Variants in STAT4 observed in about 807,000 individuals in gnomAD.
The protein encoded by STAT4 is signal transducer and activator of transcription 4.
STAT4 carries 42 observed loss-of-function variants against 110.5 expected under a neutral mutation model. The ratio of observed to expected loss-of-function variants is 0.38; its 90% CI spans 0.30 to 0.49. STAT4 has a LOEUF of 0.49. STAT4 is among the 20% of genes least tolerant of loss of function. The pLI is 0.95. For missense variants in STAT4, 632 were observed against 887.9 expected (o/e 0.71, Z 3.66); for synonymous variants, 284 against 302.2 (o/e 0.94, Z 0.63).
intron 3 of STAT4, among the ~76,000 whole-genome samples, chr2:191,103,048 T>G (rs116972414): frequency 2.0e-3 from 311 of 152,302 alleles, no homozygotes; most frequent in Non-Finnish European, 3.6e-3. Flanking sequence ...ACCTCTCTCT[T>G]TTCACATCAT....
At chr2:191,073,307 G>T in intron 4 of STAT4, 117 bp from the exon 5 acceptor site, 2 of 740,824 alleles carry the variant, frequency 2.7e-6, no homozygotes, top group Non-Finnish European at 4.5e-6. Context: ...ATACTCTATA[G>T]TCATTAAAAA....
rs11891994 is a variant in STAT4 at position 191,077,078 on chromosome 2, T to C, written c.274-753A>G. ...TCATAGCTGCATTAGTATACTAGAG[T>C]GAAACTATATGATACATTGTTTCAG... On this transcript the variant is annotated intron_variant, in intron 3 of 23. Coordinates refer to ENST00000392320, the MANE Select transcript of STAT4 (RefSeq NM_003151.4). This position sits in a 1 kb window ranked among gnomAD's most constrained non-coding sequence, Gnocchi z 4.1. Among the ~76,000 whole-genome samples the C allele has an allele frequency of 0.015, 2,224 of 152,284 alleles. 47 individuals are homozygous for C. Among genetic ancestry groups the C allele is most frequent in the African/African-American group, 0.045 (1,854 of 41,542 alleles).
chr2:191,098,243 C>T (rs1338723755), intron 3 of STAT4, among the ~76,000 whole-genome samples: 1 of 152,202 alleles, frequency 6.6e-6, no homozygotes, highest in Non-Finnish European at 1.5e-5. Context: ...TACCATTTGA[C>T]CCAGCGATCC....
At position 191,083,923 on chromosome 2, in the gene STAT4, T is replaced by C. The variant is rs1211186106; in HGVS notation, c.274-7598A>G. 6.6e-6 allele frequency among the ~76,000 whole-genome samples: 1 copy of C among 152,190 alleles called. No individual in the cohort carries two copies. The highest frequency in any genetic ancestry group is 6.5e-5 in the Admixed American group (1 of 15,276). ...ATAAAACAGCAATGTCTTCAGAATTTAGACATTTGGCCTAAATTAGTCCGT... is the reference window on the plus strand; with the variant it reads ...ATAAAACAGCAATGTCTTCAGAATTCAGACATTTGGCCTAAATTAGTCCGT... On this transcript the variant is annotated intron_variant, in intron 3 of 23. Transcript: ENST00000392320. This position sits in a 1 kb window ranked among gnomAD's most constrained non-coding sequence, Gnocchi z 4.6.
At chr2:191,054,120 C>T (rs1287114777) in intron 14 of STAT4, among the ~76,000 whole-genome samples, 2 of 143,874 alleles carry the variant, frequency 1.4e-5, no homozygotes, top group African/African-American at 5.2e-5. Flanking sequence ...AGAGTGAGAC[C>T]CTTCTCAAAA....
rs989866007 is a variant in STAT4 at position 191,031,041 on chromosome 2, A to G, written c.2151T>C (p.Leu717=). The part of the protein sequence containing the change: ...DSTEPHSPSD[L]LPMSPSVYAV... ...CATACACACTTGGAGACATGGGAAG[A>G]AGGTCTGATGGAGAATGTGGCTCTG... The change falls in exon 23 of 24, where the codon CTT becomes CTC. Residue 717 remains leucine (L), a synonymous_variant. Transcript: ENST00000392320. The surrounding 1 kb of genome is among the most constrained non-coding windows in gnomAD (Gnocchi z 4.8). 6.2e-7 allele frequency: 1 copy of G among 1,613,890 alleles called. No homozygotes were observed. The highest frequency in any genetic ancestry group is 1.3e-5 in the African/African-American group (1 of 74,924).
chr2:191,042,059 G>A lies in STAT4; in HGVS notation c.1252-911C>T, dbSNP rs1334440154. ...TTAAAAGCTCCTGGAAAGGTATCTGGGAAGTTTGCCAGACCAAGGGAGGTA... is the reference window on the plus strand; with the variant it reads ...TTAAAAGCTCCTGGAAAGGTATCTGAGAAGTTTGCCAGACCAAGGGAGGTA... On this transcript the variant is annotated intron_variant, in intron 14 of 23. Transcript: ENST00000392320. The surrounding 1 kb of genome is among the most constrained non-coding windows in gnomAD (Gnocchi z 4.2). Among the ~76,000 whole-genome samples, 1 of 152,132 alleles carries A rather than the reference G, an allele frequency of 6.6e-6. No homozygotes were observed. Among genetic ancestry groups the A allele is most frequent in the African/African-American group, 2.4e-5 (1 of 41,412 alleles).
chr2:191,092,267 G>A (rs1005790416), intron 3 of STAT4, among the ~76,000 whole-genome samples: 5 of 152,092 alleles, frequency 3.3e-5, no homozygotes, highest in Non-Finnish European at 7.4e-5. Flanking sequence ...AGCCAGGCAT[G>A]GTGGCATGCG....
At position 191,083,324 on chromosome 2, in the gene STAT4, T is replaced by A. The variant is rs951395530; in HGVS notation, c.274-6999A>T. 5.9e-5 allele frequency among the ~76,000 whole-genome samples: 9 copies of A among 152,194 alleles called. No individual in the cohort carries two copies. Among genetic ancestry groups the A allele is most frequent in the African/African-American group, 2.2e-4 (9 of 41,442 alleles). On this transcript the variant is annotated intron_variant, in intron 3 of 23. Coordinates refer to ENST00000392320, the MANE Select transcript of STAT4 (RefSeq NM_003151.4). The surrounding 1 kb of genome is among the most constrained non-coding windows in gnomAD (Gnocchi z 4.6). Reference sequence around the variant, plus strand: ...GTTGGTATGGAATATGTGACAGAGTTATCTACTCAAGGACTTTGGGAACTG... The same window carrying A: ...GTTGGTATGGAATATGTGACAGAGTAATCTACTCAAGGACTTTGGGAACTG...
At chr2:191,063,505 C>T (rs1696904217) in intron 8 of STAT4, among the ~76,000 whole-genome samples, 1 of 152,114 alleles carries the variant, frequency 6.6e-6, no homozygotes, top group Admixed American at 6.6e-5. Flanking sequence ...GGTGATCTCA[C>T]CTCAGAAACG....
At chr2:191,133,830 T>C (rs981212606) in intron 3 of STAT4, among the ~76,000 whole-genome samples, 2 of 151,906 alleles carry the variant, frequency 1.3e-5, no homozygotes, top group African/African-American at 4.9e-5. Context: ...CAAAATCGCA[T>C]ATGAATGCTA....
In STAT4 at chr2:191,076,024, T is replaced by TG; in HGVS notation, c.372+202_372+203insC. 1.4e-5 allele frequency: 3 copies of TG among 208,376 alleles called. No individual in the cohort carries two copies. The South Asian group carries it at 2.7e-4, about 19-fold the overall frequency. 12.9% of individuals were successfully genotyped at this position (208,376 alleles called of 1,614,324 possible). The stretch of plus-strand genomic sequence containing the variant: ...GCCACCATAGCCAACTAATTTTTAA[T>TG]TTTTTTTTTTTTGGAGACAGGGTCT... On this transcript the variant is annotated intron_variant, in intron 4 of 23. Transcript: ENST00000392320.
rs397740293 is a variant in STAT4 at position 191,042,777 on chromosome 2, CTT to C, written c.1252-1631_1252-1630del. 6.8e-6 allele frequency among the ~76,000 whole-genome samples: 1 copy of C among 147,614 alleles called. No homozygotes were observed. Among genetic ancestry groups the C allele is most frequent in the Non-Finnish European group, 1.5e-5 (1 of 66,724 alleles). ...CTTAAATTCATTCATTGTATTCTCTCTTTTTTTTTTTTCTTTTTTGAGATGCA... is the reference window on the plus strand; with the variant it reads ...CTTAAATTCATTCATTGTATTCTCTCTTTTTTTTTTCTTTTTTGAGATGCA... On this transcript the variant is annotated intron_variant, in intron 14 of 23. Transcript: ENST00000392320. This position sits in a 1 kb window ranked among gnomAD's most constrained non-coding sequence, Gnocchi z 4.2.
chr2:191,068,133 C>A (rs1175883583), intron 6 of STAT4: 1 of 152,078 alleles, frequency 6.6e-6, no homozygotes, highest in East Asian at 1.9e-4. Flanking sequence ...CTGGATGGGA[C>A]AAACAAAATA....
intron 3 of STAT4, among the ~76,000 whole-genome samples, chr2:191,096,831 T>C (rs1163484388): frequency 6.6e-6 from 1 of 152,148 alleles, no homozygotes; most frequent in Non-Finnish European, 1.5e-5. Flanking sequence ...AGTCAAATTG[T>C]CCCTGTTTGC....
At position 191,058,368 on chromosome 2, in the gene STAT4, G is replaced by T; in HGVS notation, c.1095-149C>A. ...GCTGGAGTGCAGTGGTGCAATCTTGGCTCACTACAACCTCTGCCCCCTGGG... is the reference window on the plus strand; with the variant it reads ...GCTGGAGTGCAGTGGTGCAATCTTGTCTCACTACAACCTCTGCCCCCTGGG... On this transcript the variant is annotated intron_variant, in intron 11 of 23. Transcript: ENST00000392320. The surrounding 1 kb of genome is among the most constrained non-coding windows in gnomAD (Gnocchi z 4.3). The T allele has an allele frequency of 1.2e-6, 1 of 813,956 alleles. No individual in the cohort carries two copies. Among genetic ancestry groups the T allele is most frequent in the Admixed American group, 2.9e-5 (1 of 34,630 alleles). The allele number at this position is 813,956 out of a possible 1,614,324, so 50.4% of individuals were successfully genotyped here.
Position 191,110,729 on chromosome 2 carries a change from G to C in STAT4, c.274-34404C>G, listed in dbSNP as rs113515022. 3.9e-5 allele frequency among the ~76,000 whole-genome samples: 6 copies of C among 152,046 alleles called. No homozygotes were observed. Among genetic ancestry groups the C allele is most frequent in the Non-Finnish European group, 8.8e-5 (6 of 68,012 alleles). On this transcript the variant is annotated intron_variant, in intron 3 of 23. Coordinates refer to ENST00000392320, the MANE Select transcript of STAT4 (RefSeq NM_003151.4). This position sits in a 1 kb window ranked among gnomAD's most constrained non-coding sequence, Gnocchi z 4.5. ...TACAACTGAAGTACCGTATCACTGA[G>C]TTTCTAAAATTTATAGCACTACATT...
chr2:191,096,441 C>T (rs1159079917), intron 3 of STAT4, among the ~76,000 whole-genome samples: 1 of 152,158 alleles, frequency 6.6e-6, no homozygotes, highest in Non-Finnish European at 1.5e-5. Context: ...TGGCTTCATC[C>T]CTGGGATGCA....
chr2:191,138,835 A>G lies in STAT4; in HGVS notation c.273+7778T>C, dbSNP rs150089200. On this transcript the variant is annotated intron_variant, in intron 3 of 23. Transcript: ENST00000392320. The surrounding 1 kb of genome is among the most constrained non-coding windows in gnomAD (Gnocchi z 4.3). ...TACCGGACCAATAGCTCTGATGAAC[A>G]TAGATGCAAAAATCCTCAACAAAAT... is the stretch of plus-strand genomic sequence containing the variant. 7.8e-3 allele frequency among the ~76,000 whole-genome samples: 1,189 copies of G among 152,312 alleles called. 19 individuals are homozygous for G. The highest frequency in any genetic ancestry group is 0.026 in the African/African-American group (1,095 of 41,568).
Sources: gnomAD v4.1 joint callset for allele counts (sites outside exome capture counted in the v4.1 genomes callset) on GRCh38, gnomAD v4.1.1 for gene constraint, Gnocchi (gnomAD v3.1) non-coding constraint, MANE v1.5 for transcripts, NCBI Gene and HGNC (gene_info 2026-07-23, HGNC 2026-07-21) for gene names.